COG5: variants seen among roughly 807,000 people sequenced by gnomAD.
COG5 encodes the protein conserved oligomeric Golgi complex subunit 5.
COG5 carries 86 observed loss-of-function variants against 110.4 expected under a neutral mutation model. That is an observed-to-expected ratio of 0.78 (90% CI 0.65 to 0.93). The LOEUF (loss-of-function observed/expected upper bound fraction) is 0.93. Among genes scored for constraint, COG5 ranks in the 40% least tolerant of loss-of-function variants. The pLI is 0.00. For missense variants in COG5, 1,077 were observed against 987.0 expected (o/e 1.09, Z -1.22); for synonymous variants, 360 against 334.6 (o/e 1.08, Z -0.83).
chr7:107,472,433 G>A (rs1584867967), intron 6 of COG5: 1 of 151,930 alleles, frequency 6.6e-6, no homozygotes, highest in East Asian at 1.9e-4. Context: ...CCACCACACT[G>A]TTTAACATTT....
intron 21 of COG5, 136 bp from the exon 22 acceptor site, chr7:107,203,766 C>G (rs983903809): frequency 3.0e-6 from 2 of 667,280 alleles, no homozygotes; most frequent in Non-Finnish European, 5.4e-6. Context: ...GCCAAGTGAC[C>G]AACAGCCTTC....
At position 107,275,947 on chromosome 7, in the gene COG5, A is replaced by G. The variant is rs148559743; in HGVS notation, c.1575+5353T>C. ...TAGGAATGTCAAGTCTCCAACTTAT[A>G]AAATTATATAAAGAATAAAGTGTAT... On this transcript the variant is annotated intron_variant, in intron 14 of 21. Coordinates refer to ENST00000297135, the MANE Select transcript of COG5 (RefSeq NM_006348.5). Among the ~76,000 whole-genome samples the G allele has an allele frequency of 6.6e-5, 10 of 152,318 alleles. No individual in the cohort carries two copies. The East Asian group carries it at 1.7e-3, about 26-fold the overall frequency.
At chr7:107,235,104 T>G (rs1258941013) in intron 18 of COG5, among the ~76,000 whole-genome samples, 2 of 152,254 alleles carry the variant, frequency 1.3e-5, no homozygotes, top group African/African-American at 4.8e-5. Flanking sequence ...GACTAACTGC[T>G]GCATCAGTCA....
intron 13 of COG5, among the ~76,000 whole-genome samples, chr7:107,282,081 T>C (rs375581490): frequency 6.6e-6 from 1 of 150,938 alleles, no homozygotes; most frequent in East Asian, 1.9e-4. Flanking sequence ...TAGAAACCCA[T>C]ATACAGATGG....
chr7:107,406,313 C>T lies in COG5; in HGVS notation c.669+6189G>A, dbSNP rs544898783. Among the ~76,000 whole-genome samples the T allele has an allele frequency of 3.9e-5, 6 of 152,256 alleles. No homozygotes were observed. The East Asian group carries it at 1.2e-3, about 29-fold the overall frequency. ...TTCTACACCTACCCGTGCAGACACACATTACTTTTATACTTTTGTCTTTTT... is the reference window on the plus strand; with the variant it reads ...TTCTACACCTACCCGTGCAGACACATATTACTTTTATACTTTTGTCTTTTT... On this transcript the variant is annotated intron_variant, in intron 7 of 21. Coordinates refer to ENST00000297135, the MANE Select transcript of COG5 (RefSeq NM_006348.5).
intron 10 of COG5, among the ~76,000 whole-genome samples, chr7:107,336,754 A>G (rs765664585): frequency 6.6e-6 from 1 of 152,214 alleles, no homozygotes; most frequent in Non-Finnish European, 1.5e-5. Context: ...AATTTTAAAC[A>G]AAATGATGTA....
chr7:107,262,216 T>C (rs571566673), intron 14 of COG5, among the ~76,000 whole-genome samples: 1 of 152,050 alleles, frequency 6.6e-6, no homozygotes, highest in Non-Finnish European at 1.5e-5. Flanking sequence ...TTCCAATAAT[T>C]CAGTAACCCC....
At chr7:107,210,986 G>T in intron 20 of COG5, 113 bp downstream of exon 20, 1 of 1,216,128 alleles carries the variant, frequency 8.2e-7, no homozygotes, top group Non-Finnish European at 1.2e-6. Context: ...ATAGACATAA[G>T]CAACTAAACA....
chr7:107,528,115 A>AG (rs1370350182), intron 5 of COG5, among the ~76,000 whole-genome samples: 1 of 150,708 alleles, frequency 6.6e-6, no homozygotes, highest in Non-Finnish European at 1.5e-5. Flanking sequence ...TTTTGAGAAC[A>AG]GGGTCTCGCT....
intron 19 of COG5, among the ~76,000 whole-genome samples, chr7:107,228,942 CTGCTTAT>C (rs1384773857): frequency 6.6e-6 from 1 of 152,196 alleles, no homozygotes; most frequent in Non-Finnish European, 1.5e-5. Flanking sequence ...AAAGGACATA[CTGCTTAT>C]TGATCCTCTA....
chr7:107,467,233 G>C (rs1263039561), intron 6 of COG5, among the ~76,000 whole-genome samples: 1 of 152,130 alleles, frequency 6.6e-6, no homozygotes, highest in Non-Finnish European at 1.5e-5. Flanking sequence ...TTATTATTAG[G>C]AAGTCAAACT....
chr7:107,413,038 A>G (rs950151852), intron 6 of COG5, among the ~76,000 whole-genome samples: 3 of 151,964 alleles, frequency 2.0e-5, no homozygotes, highest in African/African-American at 7.3e-5. Flanking sequence ...GGAAGTCTCA[A>G]TACACTGCTC....
intron 6 of COG5, among the ~76,000 whole-genome samples, chr7:107,417,813 C>A (rs1792984822): frequency 6.6e-6 from 1 of 152,098 alleles, no homozygotes; most frequent in Non-Finnish European, 1.5e-5. Flanking sequence ...TATATTTCCT[C>A]TTGAGAATTT....
intron 7 of COG5, among the ~76,000 whole-genome samples, chr7:107,407,638 G>C (rs1234792795): frequency 7.7e-6 from 1 of 130,358 alleles, no homozygotes; most frequent in Non-Finnish European, 1.6e-5. Context: ...TTTTTTCAAA[G>C]GTGCTATTAT....
chr7:107,464,272 C>T (rs1415946246), intron 6 of COG5, among the ~76,000 whole-genome samples: 2 of 152,214 alleles, frequency 1.3e-5, no homozygotes, highest in Non-Finnish European at 2.9e-5. Flanking sequence ...TGTTAGCTCT[C>T]AGAAGCCCTT....
chr7:107,518,961 C>T (rs919463426), intron 6 of COG5, among the ~76,000 whole-genome samples: 10 of 151,806 alleles, frequency 6.6e-5, no homozygotes, highest in African/African-American at 2.2e-4. Context: ...AAACAGTCCA[C>T]AATGCAATCA....
chr7:107,217,062 C>T (rs1799581918), intron 19 of COG5, among the ~76,000 whole-genome samples: 2 of 151,978 alleles, frequency 1.3e-5, no homozygotes, highest in East Asian at 3.9e-4. Context: ...CACTGAAATA[C>T]AAAGGATAAT....
chr7:107,560,981 G>T (rs1803725466), intron 1 of COG5, among the ~76,000 whole-genome samples: 1 of 152,148 alleles, frequency 6.6e-6, no homozygotes, highest in South Asian at 2.1e-4. Flanking sequence ...TAGGAAAGTG[G>T]GGGGTGGACA....
At chr7:107,541,523 AATAT>A (rs1554460370) in intron 5 of COG5, among the ~76,000 whole-genome samples, 22 of 57,018 alleles carry the variant, frequency 3.9e-4, no homozygotes, top group South Asian at 9.9e-4. Context: ...AAAAAAAAAA[AATAT>A]ATATATATAT....
Sources: gnomAD v4.1 joint callset for allele counts (sites outside exome capture counted in the v4.1 genomes callset) on GRCh38, gnomAD v4.1.1 for gene constraint, MANE v1.5 for transcripts, NCBI Gene and HGNC (gene_info 2026-07-23, HGNC 2026-07-21) for gene names.